Variants in ZAR1 observed in about 807,000 individuals in gnomAD.
ZAR1 encodes zygote arrest 1, also known as zygote arrest protein 1.
In ZAR1, 37 loss-of-function variants were observed where a neutral mutation model predicts 38.3. That is an observed-to-expected ratio of 0.97 (90% CI 0.74 to 1.27). The LOEUF is 1.27. Among genes scored for constraint, ZAR1 ranks in the 50% most tolerant of loss-of-function variants. ZAR1 has a pLI of 0.00. For missense variants in ZAR1, 651 were observed against 632.4 expected (o/e 1.03, Z -0.32); for synonymous variants, 336 against 292.0 (o/e 1.15, Z -1.53).
chr4:48,496,263 G>T (rs112117685), downstream of ZAR1, among the ~76,000 whole-genome samples: 1 of 152,152 alleles, frequency 6.6e-6, no homozygotes, highest in Non-Finnish European at 1.5e-5. Context: ...GGGTAAAGGC[G>T]ATGTGTTTTT....
At chr4:48,493,592 C>T (rs1370721578) in intron 3 of ZAR1, among the ~76,000 whole-genome samples, 4 of 152,256 alleles carry the variant, frequency 2.6e-5, no homozygotes, top group Non-Finnish European at 5.9e-5. Context: ...TGACTACATT[C>T]GCCTCTTGTC....
downstream of ZAR1, among the ~76,000 whole-genome samples, chr4:48,496,462 A>G (rs147900548): frequency 8.5e-5 from 13 of 152,296 alleles, no homozygotes; most frequent in African/African-American, 3.1e-4. Flanking sequence ...GGCTATTAAT[A>G]TGGTTACATT....
At chr4:48,493,168 G>A (rs763335357) in intron 3 of ZAR1, among the ~76,000 whole-genome samples, 156 bp downstream of exon 3, 6 of 152,174 alleles carry the variant, frequency 3.9e-5, no homozygotes, top group Admixed American at 1.3e-4. Flanking sequence ...GCTGGGAAAC[G>A]GGGCCTTGGT....
In ZAR1 at chr4:48,490,341, G is replaced by A; in HGVS notation, c.50G>A (p.Cys17Tyr). 1 of 1,513,612 alleles carries A rather than the reference G, an allele frequency of 6.6e-7. No homozygotes were observed. Among genetic ancestry groups the A allele is most frequent in the Non-Finnish European group, 8.8e-7 (1 of 1,137,160 alleles). 93.8% of individuals were successfully genotyped at this position (1,513,612 alleles called of 1,614,324 possible). Residue 17 changes from cysteine to tyrosine, a missense_variant, in exon 1 of 4, where the codon TGC becomes TAC. Physicochemically the swap from Cys to Tyr is radical, Grantham distance 194. Coordinates refer to ENST00000327939, the MANE Select transcript of ZAR1 (RefSeq NM_175619.3). ...EVLDGYVFPA[C>Y]PPCSYRYPYP... ...CTGGACGGTTACGTGTTCCCGGCGTGCCCCCCCTGCTCGTACCGGTACCCA... is the reference window on the plus strand; with the variant it reads ...CTGGACGGTTACGTGTTCCCGGCGTACCCCCCCTGCTCGTACCGGTACCCA...
chr4:48,494,247 G>GA lies in ZAR1; in HGVS notation c.*6dup, dbSNP rs200780536. On this transcript the variant is annotated 3_prime_UTR_variant, in exon 4 of 4. Transcript: ENST00000327939. ...TCAGCTTCAAATACATCATTTAGGT[G>GA]AAAGTCAGTGTTGCTGTGCATGCGC... is the stretch of plus-strand genomic sequence containing the variant. 1.0e-3 allele frequency: 1,653 copies of GA among 1,614,108 alleles called. 9 individuals are homozygous for GA. In the African/African-American group the frequency reaches 0.012, roughly 12 times the overall value.
At chr4:48,495,028 T>TC (rs61088287), downstream of ZAR1, among the ~76,000 whole-genome samples, 6 of 152,108 alleles carry the variant, frequency 3.9e-5, no homozygotes, top group African/African-American at 1.4e-4. Context: ...CTTTTTTTTT[T>TC]CTTCTTTTTT....
At chr4:48,495,686 C>T (rs892346232), downstream of ZAR1, among the ~76,000 whole-genome samples, 24 of 152,144 alleles carry the variant, frequency 1.6e-4, no homozygotes, top group African/African-American at 5.1e-4. Context: ...TGCTTATGTG[C>T]CTCTGCAGTA....
chr4:48,496,660 C>G (rs1366673411), downstream of ZAR1, among the ~76,000 whole-genome samples: 3 of 152,148 alleles, frequency 2.0e-5, no homozygotes, highest in South Asian at 2.1e-4. Flanking sequence ...CTGCCAAACT[C>G]TATGTGTACA....
chr4:48,490,574 G>A lies in ZAR1; in HGVS notation c.283G>A (p.Gly95Arg). Residue 95 changes from glycine to arginine, a missense_variant, in exon 1 of 4, where the codon GGG becomes AGG. Physicochemically the swap from Gly to Arg is moderately radical, Grantham distance 125. This residue lies in a region of ZAR1 where 522 missense variants were observed against 459.9 expected (regional missense o/e 1.14). Transcript: ENST00000327939. The stretch of plus-strand genomic sequence containing the variant: ...CCTGGCGCAGGTGGGGCCGGGTCTC[G>A]GGCCGCGCGCCCGCAGGGCCGGCAG... ...ALLAQVGPGL[G>R]PRARRAGSCD... 3.6e-6 allele frequency: 5 copies of A among 1,398,916 alleles called. No individual in the cohort carries two copies. Among genetic ancestry groups the A allele is most frequent in the Non-Finnish European group, 4.6e-6 (5 of 1,087,004 alleles). 86.7% of individuals were successfully genotyped at this position (1,398,916 alleles called of 1,614,324 possible).
downstream of ZAR1, among the ~76,000 whole-genome samples, chr4:48,496,490 G>A (rs1247437215): frequency 1.3e-5 from 2 of 152,116 alleles, no homozygotes; most frequent in South Asian, 4.2e-4. Context: ...AATATTGCTT[G>A]CCATTAATTT....
At position 48,491,187 on chromosome 4, in the gene ZAR1, CGGCCGTCGCGGGAGAGG is replaced by C. The variant is rs776250460; in HGVS notation, c.906_922del (p.Gly303ThrfsTer43). On this transcript the variant is annotated frameshift_variant, in exon 1 of 4. Coordinates refer to ENST00000327939, the MANE Select transcript of ZAR1 (RefSeq NM_175619.3). LOFTEE classifies it high-confidence loss of function. The stretch of plus-strand genomic sequence containing the variant: ...CGAGACGGCGGCGACGGACGGGAGG[CGGCCGTCGCGGGAGAGG>C]GGCCGTCGCCACGGAGCCCGGAGCT... 16 of 1,234,410 alleles carry C rather than the reference CGGCCGTCGCGGGAGAGG, an allele frequency of 1.3e-5. No homozygotes were observed. Among genetic ancestry groups the C allele is most frequent in the Non-Finnish European group, 1.4e-5 (14 of 989,608 alleles). 76.5% of individuals were successfully genotyped at this position (1,234,410 alleles called of 1,614,324 possible).
Position 48,490,561 on chromosome 4 carries a change from G to C in ZAR1, c.270G>C (p.Val90=). The C allele has an allele frequency of 7.0e-7, 1 of 1,432,096 alleles. No homozygotes were observed. Among genetic ancestry groups the C allele is most frequent in the Non-Finnish European group, 9.1e-7 (1 of 1,102,654 alleles). 88.7% of individuals were successfully genotyped at this position (1,432,096 alleles called of 1,614,324 possible). The change falls in exon 1 of 4, where the codon GTG becomes GTC. Residue 90 remains valine, a synonymous_variant. Transcript: ENST00000327939. ...GGCTCATGGCTCTCCTGGCGCAGGT[G>C]GGGCCGGGTCTCGGGCCGCGCGCCC... is the stretch of plus-strand genomic sequence containing the variant. ...RERLMALLAQ[V]GPGLGPRARR...
At position 48,490,626 on chromosome 4, in the gene ZAR1, C is replaced by A. The variant is rs1479063528; in HGVS notation, c.335C>A (p.Pro112Gln). The part of the protein sequence containing the change: ...GSCDVAVQVS[P>Q]RIDAAVQCSL... ...TGCGACGTGGCGGTGCAGGTGAGCC[C>A]GCGCATCGACGCCGCGGTACAGTGC... Residue 112 changes from proline (P) to glutamine (Q), a missense_variant, in exon 1 of 4, where the codon CCG becomes CAG. Physicochemically the swap from Pro to Gln is moderately conservative, Grantham distance 76. Around this residue, in one of 2 missense-constraint regions of ZAR1, gnomAD observed 522 missense variants for 459.9 expected, o/e 1.14. Coordinates refer to ENST00000327939, the MANE Select transcript of ZAR1 (RefSeq NM_175619.3). The A allele has an allele frequency of 1.5e-6, 2 of 1,358,014 alleles. No individual in the cohort carries two copies. Among genetic ancestry groups the A allele is most frequent in the African/African-American group, 3.1e-5 (2 of 65,150 alleles). 84.1% of individuals were successfully genotyped at this position (1,358,014 alleles called of 1,614,324 possible).
At chr4:48,495,833 A>G (rs1718579307), downstream of ZAR1, among the ~76,000 whole-genome samples, 1 of 152,206 alleles carries the variant, frequency 6.6e-6, no homozygotes, top group Non-Finnish European at 1.5e-5. Context: ...CAATCTGCAA[A>G]AGCCCTGTGG....
At chr4:48,493,093 GAGGCCAGGCCCCC>G (rs1718491225) in intron 3 of ZAR1, 81 bp downstream of exon 3, 1 of 1,331,032 alleles carries the variant, frequency 7.5e-7, no homozygotes, top group Non-Finnish European at 1.1e-6. Flanking sequence ...CTTCCAAAAA[GAGGCCAGGCCCCC>G]AGACCTTAGG....
In ZAR1 at chr4:48,491,080, G is replaced by T; in HGVS notation, c.789G>T (p.Pro263=). 2.3e-6 allele frequency: 3 copies of T among 1,306,256 alleles called. No homozygotes were observed. The highest frequency in any genetic ancestry group is 2.2e-5 in the South Asian group (1 of 44,898). The allele number at this position is 1,306,256 out of a possible 1,614,324, so 80.9% of individuals were successfully genotyped here. A position where few individuals can be genotyped will look rare whatever the true frequency, so the allele number is the denominator to read the frequency against. ...WEQPADGPEL[P]PREAQEGEAA... ...AGCCGGCCGACGGTCCCGAGCTGCC[G>T]CCGCGAGAGGCCCAGGAGGGCGAGG... Residue 263 remains proline (P), a synonymous_variant, in exon 1 of 4, where the codon CCG becomes CCT. Transcript: ENST00000327939.
intron 3 of ZAR1, 49 bp downstream of exon 3, chr4:48,493,061 T>A (rs1453353812): frequency 6.4e-7 from 1 of 1,571,170 alleles, no homozygotes; most frequent in Admixed American, 1.7e-5. Context: ...TCGTCGAGGG[T>A]TTTTAGTATA....
intron 3 of ZAR1, among the ~76,000 whole-genome samples, chr4:48,493,237 AC>A (rs1718494994): frequency 6.6e-6 from 1 of 152,058 alleles, no homozygotes; most frequent in Admixed American, 6.5e-5. Context: ...AAAACTGTTA[AC>A]CTCACTTGCA....
rs756451241 is a variant in ZAR1 at position 48,492,983 on chromosome 4, C to G, written c.1102C>G (p.Pro368Ala). 2 of 1,614,134 alleles carry G rather than the reference C, an allele frequency of 1.2e-6. No individual in the cohort carries two copies. The highest frequency in any genetic ancestry group is 8.5e-7 in the Non-Finnish European group (1 of 1,180,018). The change falls in exon 3 of 4, where the codon CCT becomes GCT. Residue 368 changes from proline (P) to alanine (A), a missense_variant. This residue lies in a region of ZAR1 where 129 missense variants were observed against 172.5 expected (regional missense o/e 0.75). Transcript: ENST00000327939. ...CAGAACTTGTCAGAAGTCTTATAAC[C>G]CTTACCGAGTGGAGGATATCACCTG... ...FCRTCQKSYN[P>A]YRVEDITCQS...
Sources: allele counts gnomAD v4.1 joint callset (sites outside exome capture counted in the v4.1 genomes callset), GRCh38; gene constraint gnomAD v4.1.1; regional missense constraint gnomAD v4.1.1; transcripts MANE v1.5; gene names NCBI Gene and HGNC (gene_info 2026-07-23, HGNC 2026-07-21).